SEMA5A: variants seen among roughly 807,000 people sequenced by gnomAD.
SEMA5A encodes the protein semaphorin-5A.
A neutral mutation model predicts 135.5 loss-of-function variants in SEMA5A; 55 were observed. The ratio of observed to expected loss-of-function variants is 0.41; its 90% confidence interval spans 0.33 to 0.51. The LOEUF (loss-of-function observed/expected upper bound fraction) is 0.51, where lower values mean the gene tolerates loss of function less well. SEMA5A is among the 20% of genes least tolerant of loss of function. SEMA5A has a pLI of 0.37. For synonymous variants in SEMA5A, 580 were observed against 546.5 expected, an observed-to-expected ratio of 1.06 and a Z score of -0.85; for missense variants, 1,290 against 1,419.9, an observed-to-expected ratio of 0.91 and a Z score of 1.47.
intron 3 of SEMA5A, among the ~76,000 whole-genome samples, chr5:9,373,495 C>A (rs1755228941): frequency 6.6e-6 from 1 of 152,218 alleles, no homozygotes; most frequent in South Asian, 2.1e-4. Flanking sequence ...TCCCAAGCCA[C>A]TGGAGCTAAA....
At chr5:9,096,965 A>T (rs1739355321) in intron 16 of SEMA5A, among the ~76,000 whole-genome samples, 1 of 152,156 alleles carries the variant, frequency 6.6e-6, no homozygotes, top group Admixed American at 6.5e-5. Context: ...ATAGAGAGGA[A>T]AAACGAGTAA....
Position 9,203,582 on chromosome 5 carries a change from G to A in SEMA5A, c.647-1342C>T, listed in dbSNP as rs567807446. On this transcript the variant is annotated intron_variant, in intron 8 of 22. Coordinates refer to ENST00000382496, the MANE Select transcript of SEMA5A (RefSeq NM_003966.3). The stretch of plus-strand genomic sequence containing the variant: ...TGTTATTCTGTCCAGGAAGACTATT[G>A]CCAATTTTCAATCAATACCTATATT... 2.6e-5 allele frequency among the ~76,000 whole-genome samples: 4 copies of A among 152,244 alleles called. No homozygotes were observed. In the South Asian group the frequency reaches 8.3e-4, roughly 32 times the overall value.
intron 8 of SEMA5A, among the ~76,000 whole-genome samples, chr5:9,218,665 G>T (rs1440452569): frequency 3.3e-5 from 5 of 152,204 alleles, no homozygotes; most frequent in Non-Finnish European, 7.3e-5. Flanking sequence ...GCAAAACAAA[G>T]AAGTGAGTTT....
At chr5:9,399,233 A>C (rs541534907) in intron 2 of SEMA5A, among the ~76,000 whole-genome samples, 2 of 152,358 alleles carry the variant, frequency 1.3e-5, no homozygotes, top group South Asian at 4.1e-4. Flanking sequence ...CAGATGAAGA[A>C]AATGTGGTAG....
intron 3 of SEMA5A, among the ~76,000 whole-genome samples, chr5:9,361,057 G>A (rs898711651): frequency 2.6e-5 from 4 of 152,176 alleles, no homozygotes; most frequent in African/African-American, 9.7e-5. Flanking sequence ...CCAGCACTTT[G>A]GGAGGCCGAG....
intron 3 of SEMA5A, among the ~76,000 whole-genome samples, chr5:9,352,277 G>A (rs532492588): frequency 2.0e-5 from 3 of 152,090 alleles, no homozygotes; most frequent in South Asian, 4.2e-4. Flanking sequence ...CAGGCCACCA[G>A]ACACTACCAA....
intron 10 of SEMA5A, among the ~76,000 whole-genome samples, chr5:9,190,914 G>C (rs903927196): frequency 1.5e-4 from 23 of 152,184 alleles, no homozygotes; most frequent in East Asian, 1.2e-3. Flanking sequence ...GCAGCAGGGG[G>C]TCTGTAAGCA....
chr5:9,432,365 T>C (rs977363077), intron 2 of SEMA5A, among the ~76,000 whole-genome samples: 11 of 152,170 alleles, frequency 7.2e-5, no homozygotes, highest in Non-Finnish European at 5.9e-5. Flanking sequence ...ACAATATACA[T>C]AGAGATGCCC....
chr5:9,053,885 T>C, intron 19 of SEMA5A: 1 of 507,036 alleles, frequency 2.0e-6, no homozygotes, highest in Non-Finnish European at 3.3e-6. Context: ...TGAACACGAG[T>C]TCTGAATCTA....
chr5:9,121,758 G>A (rs1484754833), intron 14 of SEMA5A, among the ~76,000 whole-genome samples: 1 of 152,162 alleles, frequency 6.6e-6, no homozygotes, highest in Non-Finnish European at 1.5e-5. Context: ...TTGGTGGTGA[G>A]AAAAATGTGA....
At position 9,278,798 on chromosome 5, in the gene SEMA5A, C is replaced by G. The variant is rs556126321; in HGVS notation, c.270+39574G>C. ...CAGTAGCATCTACGTGGTGCTGGGCCTGCAGGTGCACAGAAGGTGAGAGTT... is the reference window on the plus strand; with the variant it reads ...CAGTAGCATCTACGTGGTGCTGGGCGTGCAGGTGCACAGAAGGTGAGAGTT... On this transcript the variant is annotated intron_variant, in intron 5 of 22. Transcript: ENST00000382496. Among the ~76,000 whole-genome samples the G allele has an allele frequency of 1.5e-3, 225 of 152,346 alleles. 3 individuals are homozygous for G. Among genetic ancestry groups the G allele is most frequent in the Admixed American group, 5.9e-3 (90 of 15,304 alleles).
intron 5 of SEMA5A, among the ~76,000 whole-genome samples, chr5:9,268,704 G>A (rs1373997301): frequency 6.6e-6 from 1 of 152,022 alleles, no homozygotes; most frequent in Non-Finnish European, 1.5e-5. Context: ...CCCGCACTGT[G>A]GCAAATTTCA....
intron 16 of SEMA5A, among the ~76,000 whole-genome samples, chr5:9,085,709 C>A (rs962437498): frequency 6.6e-6 from 1 of 152,176 alleles, no homozygotes; most frequent in Admixed American, 6.5e-5. Context: ...GGGGTCAGAG[C>A]CCCCTCACAG....
At chr5:9,468,864 G>T (rs1759366508) in intron 1 of SEMA5A, among the ~76,000 whole-genome samples, 1 of 152,128 alleles carries the variant, frequency 6.6e-6, no homozygotes, top group Non-Finnish European at 1.5e-5. Context: ...CATATTTAAA[G>T]CATTTCATAC....
chr5:9,183,207 T>C (rs1744618812), intron 11 of SEMA5A, among the ~76,000 whole-genome samples: 1 of 152,152 alleles, frequency 6.6e-6, no homozygotes, highest in African/African-American at 2.4e-5. Context: ...GCTCTTCCTT[T>C]ATGATGAAAC....
intron 1 of SEMA5A, among the ~76,000 whole-genome samples, chr5:9,527,649 TAACATTATGGAGTGCTCA>T (rs143358694): frequency 0.013 from 2,018 of 152,342 alleles, 37 homozygotes; most frequent in African/African-American, 0.046. Context: ...TAATACTTGC[TAACATTATGGAGTGCTCA>T]CTATGGAACA....
chr5:9,141,555 G>T (rs1177522177), intron 12 of SEMA5A, among the ~76,000 whole-genome samples: 4 of 152,048 alleles, frequency 2.6e-5, no homozygotes, highest in East Asian at 1.9e-4. Context: ...GAATCCGAAG[G>T]TTTAATTTTT....
chr5:9,201,233 C>T (rs1213010997), intron 9 of SEMA5A, among the ~76,000 whole-genome samples: 1 of 152,110 alleles, frequency 6.6e-6, no homozygotes. Flanking sequence ...GAGTCTTACA[C>T]AGCATACCAG....
intron 15 of SEMA5A, among the ~76,000 whole-genome samples, chr5:9,110,098 A>C (rs991882976): frequency 1.1e-4 from 17 of 152,190 alleles, no homozygotes; most frequent in African/African-American, 3.9e-4. Flanking sequence ...TGGAAGGTAG[A>C]AATGGAAAGA....
Sources: gnomAD v4.1 joint callset for allele counts (sites outside exome capture counted in the v4.1 genomes callset) on GRCh38, gnomAD v4.1.1 for gene constraint, MANE v1.5 for transcripts, NCBI Gene and HGNC (gene_info 2026-07-23, HGNC 2026-07-21) for gene names.